NEK9: variants seen among roughly 807,000 people sequenced by gnomAD.
NEK9 encodes the protein NIMA related kinase 9.
A neutral mutation model predicts 123.4 loss-of-function variants in NEK9; 75 were observed. The ratio of observed to expected loss-of-function variants is 0.61; its 90% CI spans 0.50 to 0.74. NEK9 has a LOEUF of 0.74. Ranked by LOEUF, NEK9 falls within the 30% of genes least tolerant of loss-of-function variation. The pLI, the probability that NEK9 is intolerant of heterozygous loss-of-function variation, is 0.00. For synonymous variants in NEK9, 438 were observed against 458.7 expected (o/e 0.95, Z 0.58); for missense variants, 952 against 1,214.4 (o/e 0.78, Z 3.21).
chr14:75,088,793 T>A (rs1894111291), intron 19 of NEK9, 152 bp from the exon 20 acceptor site: 3 of 641,876 alleles, frequency 4.7e-6, no homozygotes, highest in Non-Finnish European at 7.7e-6. Flanking sequence ...ACAGCCTACC[T>A]GTGAAAAAAC....
At chr14:75,097,039 C>T (rs764671713) in intron 17 of NEK9, 61 bp downstream of exon 17, 65 of 1,479,496 alleles carry the variant, frequency 4.4e-5, no homozygotes, top group Non-Finnish European at 5.9e-5. Flanking sequence ...ACTAACAGTA[C>T]TCAGATGTGG....
chr14:75,105,317 A>G (rs1894733530), intron 13 of NEK9, among the ~76,000 whole-genome samples: 1 of 152,038 alleles, frequency 6.6e-6, no homozygotes, highest in Admixed American at 6.5e-5. Flanking sequence ...AAGAAAAAAA[A>G]AAAAGAAAAC....
rs564216604 is a variant in NEK9 at position 75,114,719 on chromosome 14, G to T, written c.763-406C>A. Among the ~76,000 whole-genome samples the T allele has an allele frequency of 6.6e-5, 10 of 152,184 alleles. No individual in the cohort carries two copies. The South Asian group carries it at 2.1e-3, about 32-fold the overall frequency. ...ATACTCTGCTGCAACAGATAAGGCA[G>T]TAATAATAATAAGATGATAATACTA... On this transcript the variant is annotated intron_variant, in intron 6 of 21. Coordinates refer to ENST00000238616, the MANE Select transcript of NEK9 (RefSeq NM_033116.6).
At chr14:75,115,090 T>C (rs973559080) in intron 6 of NEK9, among the ~76,000 whole-genome samples, 11 of 108,862 alleles carry the variant, frequency 1.0e-4, no homozygotes, top group Non-Finnish European at 1.9e-4. Context: ...CACGTGTGTG[T>C]ACATATATGC....
chr14:75,101,702 T>TC lies in NEK9; in HGVS notation c.1794dup (p.Ile599AspfsTer15), dbSNP rs764694597. 1.9e-5 allele frequency: 30 copies of TC among 1,614,006 alleles called. No individual in the cohort carries two copies. Among genetic ancestry groups the TC allele is most frequent in the Non-Finnish European group, 2.5e-6 (3 of 1,179,980 alleles). ...GTCTTGCCTGGGGCAATGGTACGGA[T>TC]CTTATAAAAGGACAACTGTTTGGCC... On this transcript the variant is annotated frameshift_variant, in exon 15 of 22. Coordinates refer to ENST00000238616, the MANE Select transcript of NEK9 (RefSeq NM_033116.6). LOFTEE classifies it high-confidence loss of function.
chr14:75,113,557 T>C (rs184186931), intron 7 of NEK9, among the ~76,000 whole-genome samples, 154 bp from the exon 8 acceptor site: 1 of 152,388 alleles, frequency 6.6e-6, no homozygotes, highest in Admixed American at 6.5e-5. Flanking sequence ...CACCTCATTA[T>C]AATCAACACT....
At chr14:75,098,993 A>G (rs1246775792) in intron 16 of NEK9, among the ~76,000 whole-genome samples, 1 of 152,200 alleles carries the variant, frequency 6.6e-6, no homozygotes, top group Non-Finnish European at 1.5e-5. Context: ...ATTTTGGGAC[A>G]AGCAGAGAGA....
intron 8 of NEK9, among the ~76,000 whole-genome samples, chr14:75,112,920 C>T (rs1002164978): frequency 2.0e-5 from 3 of 152,184 alleles, no homozygotes; most frequent in African/African-American, 7.2e-5. Context: ...ACTTTTTATG[C>T]GTTATCTTCT....
intron 16 of NEK9, 140 bp downstream of exon 16, chr14:75,100,852 T>C (rs1894551130): frequency 1.2e-6 from 1 of 810,838 alleles, no homozygotes; most frequent in Non-Finnish European, 1.9e-6. Context: ...TCAATATATA[T>C]AACCGGCCAC....
In NEK9 at chr14:75,110,386, G is replaced by T. The variant is rs1452996828; in HGVS notation, c.939-15C>A. On this transcript the variant is annotated splice_polypyrimidine_tract_variant and intron_variant, in intron 8 of 21. Coordinates refer to ENST00000238616, the MANE Select transcript of NEK9 (RefSeq NM_033116.6). Reference sequence around the variant, plus strand: ...CCTCCATCTCTCTACCAAAAGAAAAGCAAAGATACATGAGTGAAATAATAG... The same window carrying T: ...CCTCCATCTCTCTACCAAAAGAAAATCAAAGATACATGAGTGAAATAATAG... 1.2e-6 allele frequency: 2 copies of T among 1,605,462 alleles called. No homozygotes were observed. The highest frequency in any genetic ancestry group is 1.7e-6 in the Non-Finnish European group (2 of 1,172,714).
intron 20 of NEK9, 29 bp downstream of exon 20, chr14:75,088,451 T>A: frequency 6.2e-7 from 1 of 1,608,520 alleles, no homozygotes; most frequent in South Asian, 1.1e-5. Context: ...TTTACCTAGT[T>A]GTGATTCAAA....
At chr14:75,121,887 T>A (rs1185577350) in intron 2 of NEK9, among the ~76,000 whole-genome samples, 1 of 152,108 alleles carries the variant, frequency 6.6e-6, no homozygotes, top group Non-Finnish European at 1.5e-5. Context: ...AGAAAAAAAT[T>A]GGGTTACACC....
At chr14:75,093,862 G>A (rs1215152142) in intron 18 of NEK9, among the ~76,000 whole-genome samples, 1 of 152,150 alleles carries the variant, frequency 6.6e-6, no homozygotes, top group Non-Finnish European at 1.5e-5. Flanking sequence ...TCACTCCAAT[G>A]GATGGTTATA....
At chr14:75,114,084 T>A in intron 7 of NEK9, 119 bp downstream of exon 7, 1 of 668,088 alleles carries the variant, frequency 1.5e-6, no homozygotes, top group South Asian at 1.9e-5. Context: ...TAGCCACAAA[T>A]ACACTCTACC....
In NEK9 at chr14:75,083,053, AT is replaced by A; in HGVS notation, c.*1510del. ...GGGTTCTCCCCAAGCATCAGCCTTT[AT>A]GCCACCAGTTTTGGAGAAATGGCAA... On this transcript the variant is annotated 3_prime_UTR_variant, in exon 22 of 22. Coordinates refer to ENST00000238616, the MANE Select transcript of NEK9 (RefSeq NM_033116.6). 2.5e-6 allele frequency: 1 copy of A among 398,644 alleles called. No homozygotes were observed. Among genetic ancestry groups the A allele is most frequent in the Non-Finnish European group, 4.4e-6 (1 of 226,058 alleles). 24.7% of individuals were successfully genotyped at this position (398,644 alleles called of 1,614,324 possible). A position where few individuals can be genotyped will look rare whatever the true frequency, so the allele number is the denominator to read the frequency against.
intron 1 of NEK9, among the ~76,000 whole-genome samples, chr14:75,126,324 G>A (rs1895523450): frequency 6.6e-6 from 1 of 151,852 alleles, no homozygotes; most frequent in African/African-American, 2.4e-5. Flanking sequence ...ATGAGAGGAA[G>A]GAAGTTTTGG....
intron 14 of NEK9, among the ~76,000 whole-genome samples, chr14:75,103,163 G>C (rs1405553354): frequency 6.6e-6 from 1 of 151,152 alleles, no homozygotes; most frequent in East Asian, 1.9e-4. Flanking sequence ...TGCACGTTGT[G>C]CACATGTACC....
At chr14:75,113,293 T>G (rs1324543249) in intron 8 of NEK9, 46 bp downstream of exon 8, 33 of 1,459,208 alleles carry the variant, frequency 2.3e-5, no homozygotes, top group Non-Finnish European at 3.0e-5. Flanking sequence ...CCTCTAAAAG[T>G]CAACTATCTC....
At chr14:75,090,782 A>T (rs1409818284) in intron 19 of NEK9, among the ~76,000 whole-genome samples, 1 of 152,140 alleles carries the variant, frequency 6.6e-6, no homozygotes, top group East Asian at 1.9e-4. Flanking sequence ...TGTGTTGCCC[A>T]AGCTGGTCTT....
Sources: gnomAD v4.1 joint callset for allele counts (sites outside exome capture counted in the v4.1 genomes callset) on GRCh38, gnomAD v4.1.1 for gene constraint, MANE v1.5 for transcripts, NCBI Gene and HGNC (gene_info 2026-07-23, HGNC 2026-07-21) for gene names.